STIL: variants seen among roughly 807,000 people sequenced by gnomAD.
STIL encodes SCL-interrupting locus protein.
Under a neutral mutation model 110.1 loss-of-function variants are expected in STIL, and 55 were observed. The ratio of observed to expected loss-of-function variants is 0.50; its 90% CI spans 0.40 to 0.63. The LOEUF (loss-of-function observed/expected upper bound fraction) is 0.63. Ranked by LOEUF, STIL falls within the 20% of genes least tolerant of loss-of-function variation. The probability of loss-of-function intolerance (pLI) is 0.00; values close to 1 mark genes in which losing one functional copy is unlikely to be tolerated. For synonymous variants in STIL, 481 were observed against 530.0 expected, an observed-to-expected ratio of 0.91 and a Z score of 1.27; for missense variants, 1,358 against 1,530.0, an observed-to-expected ratio of 0.89 and a Z score of 1.87.
At chr1:47,257,164 G>T (rs986060610) in intron 16 of STIL, among the ~76,000 whole-genome samples, 1 of 152,204 alleles carries the variant, frequency 6.6e-6, no homozygotes, top group Non-Finnish European at 1.5e-5. Context: ...ACTTGGTAGA[G>T]AATGGTAGGA....
At chr1:47,294,300 G>C (rs1056924945) in intron 7 of STIL, among the ~76,000 whole-genome samples, 2 of 152,120 alleles carry the variant, frequency 1.3e-5, no homozygotes, top group African/African-American at 4.8e-5. Flanking sequence ...TTATTTTTCT[G>C]TGTATGAATA....
intron 2 of STIL, among the ~76,000 whole-genome samples, chr1:47,307,868 C>T (rs140576426): frequency 0.033 from 5,024 of 152,300 alleles, 136 homozygotes; most frequent in Middle Eastern, 0.051. Flanking sequence ...ACTGGCCCCC[C>T]CGGGGCGTAC....
At chr1:47,299,748 C>A in intron 6 of STIL, 157 bp downstream of exon 6, 1 of 867,160 alleles carries the variant, frequency 1.2e-6, no homozygotes, top group Non-Finnish European at 1.7e-6. Context: ...TCATATTCAA[C>A]GAAAATAAAC....
rs114758920 is a variant in STIL, at chr1:47,286,407, C to T, written c.1133+1144G>A. 7.9e-3 allele frequency among the ~76,000 whole-genome samples: 1,201 copies of T among 151,934 alleles called. 9 individuals are homozygous for T. Among genetic ancestry groups the T allele is most frequent in the African/African-American group, 0.027 (1,127 of 41,424 alleles). On this transcript the variant is annotated intron_variant, in intron 10 of 16. Coordinates refer to ENST00000371877, the MANE Select transcript of STIL (RefSeq NM_001048166.1). ...AACACTGAAGACCTGCCAAATGATC[C>T]CTAAAAGTTCTGAGAAAGAGGCCGG... is the stretch of plus-strand genomic sequence containing the variant.
At position 47,269,738 on chromosome 1, in the gene STIL, G is replaced by A. The variant is rs777220967; in HGVS notation, c.2512C>T (p.Leu838Phe). The A allele has an allele frequency of 6.2e-7, 1 of 1,614,138 alleles. No individual in the cohort carries two copies. Among genetic ancestry groups the A allele is most frequent in the Non-Finnish European group, 8.5e-7 (1 of 1,180,018 alleles). ...SVDINNEVTS[L>F]PGSASSLKAV... The stretch of plus-strand genomic sequence containing the variant: ...TTTAATGAAGATGCACTACCTGGAA[G>A]ACTTGTGACTTCATTATTAATATCG... Residue 838 changes from leucine (L) to phenylalanine (F), a missense_variant, in exon 14 of 17, where the codon CTT becomes TTT. Coordinates refer to ENST00000371877, the MANE Select transcript of STIL (RefSeq NM_001048166.1).
chr1:47,301,151 T>C (rs963338053), intron 5 of STIL, among the ~76,000 whole-genome samples: 3 of 152,108 alleles, frequency 2.0e-5, no homozygotes, highest in African/African-American at 7.2e-5. Flanking sequence ...TGCAGTGGTG[T>C]GATCACGGCT....
intron 16 of STIL, 26 bp downstream of exon 16, chr1:47,260,263 C>A: frequency 6.3e-7 from 1 of 1,599,614 alleles, no homozygotes; most frequent in South Asian, 1.2e-5. Flanking sequence ...TTTATTCACT[C>A]TTTAAAACAA....
In STIL at chr1:47,260,353, G is replaced by C. The variant is rs756881909; in HGVS notation, c.3016C>G (p.Leu1006Val). 20 of 1,613,888 alleles carry C rather than the reference G, an allele frequency of 1.2e-5. No homozygotes were observed. The highest frequency in any genetic ancestry group is 1.7e-5 in the Admixed American group (1 of 59,976). ...GTGGGAGAATCAATTTTTACTCCAA[G>C]GCTTCTTAGTTGCTTAAGAGTTGCA... Reference protein sequence around the residue: ...LNATLKQLRSLGVKIDSPTKV... With the variant: ...LNATLKQLRSVGVKIDSPTKV... The change falls in exon 16 of 17, where the codon CTT becomes GTT. Residue 1006 changes from leucine (L) to valine (V), a missense_variant. Transcript: ENST00000371877.
rs1489230675 is a variant in STIL at position 47,258,992 on chromosome 1, C to T, written c.3080+1297G>A. 6.3e-4 allele frequency among the ~76,000 whole-genome samples: 59 copies of T among 94,400 alleles called. 1 individual carries two copies. Among genetic ancestry groups the T allele is most frequent in the African/African-American group, 1.1e-3 (25 of 21,774 alleles). 61.9% of individuals were successfully genotyped at this position (94,400 alleles called of 152,430 possible). ...GAAATGGTTAAGAGAAGTAACTTTG[C>T]TTTTTTTTTTTTTTGAGACAGTCTT... is the stretch of plus-strand genomic sequence containing the variant. On this transcript the variant is annotated intron_variant, in intron 16 of 16. Transcript: ENST00000371877.
chr1:47,267,524 G>A (rs1570076334), intron 14 of STIL, among the ~76,000 whole-genome samples: 1 of 152,036 alleles, frequency 6.6e-6, no homozygotes, highest in South Asian at 2.1e-4. Flanking sequence ...GGCTAACATG[G>A]CAAAACCCTG....
At chr1:47,266,541 T>C (rs551731221) in intron 14 of STIL, among the ~76,000 whole-genome samples, 1 of 152,300 alleles carries the variant, frequency 6.6e-6, no homozygotes, top group Admixed American at 6.5e-5. Context: ...TAAAATATTT[T>C]TTTATAGAGA....
At position 47,281,195 on chromosome 1, in the gene STIL, T is replaced by C. The variant is rs28705368; in HGVS notation, c.1263A>G (p.Gln421=). The C allele has an allele frequency of 3.3e-5, 54 of 1,612,890 alleles. No homozygotes were observed. The highest frequency in any genetic ancestry group is 3.1e-4 in the East Asian group (14 of 44,868). The change falls in exon 12 of 17, where the codon CAA becomes CAG. Residue 421 remains glutamine, a synonymous_variant. Transcript: ENST00000371877. ...CAAGTGAAAGTTCAGGAACTGATGG[T>C]TGGATCTTAGAAATCTACAAATAAG... ...HPVSQKISKI[Q]PSVPELSLVL... is the part of the protein sequence containing the mutation.
chr1:47,279,000 A>T (rs906943428), intron 12 of STIL, among the ~76,000 whole-genome samples: 5 of 152,168 alleles, frequency 3.3e-5, no homozygotes, highest in East Asian at 1.9e-4. Context: ...AAGATTTTTT[A>T]AAAAATCATA....
At position 47,271,141 on chromosome 1, in the gene STIL, T is replaced by C. The variant is rs190922620; in HGVS notation, c.2383+935A>G. 2.7e-3 allele frequency among the ~76,000 whole-genome samples: 414 copies of C among 152,284 alleles called. 3 individuals are homozygous for C. Among genetic ancestry groups the C allele is most frequent in the African/African-American group, 9.1e-3 (379 of 41,544 alleles). On this transcript the variant is annotated intron_variant, in intron 13 of 16. Coordinates refer to ENST00000371877, the MANE Select transcript of STIL (RefSeq NM_001048166.1). ...CTTATTGTATTTATACCTATGAGTA[T>C]TGGAAAAGATATATTTACAAAATAT...
intron 11 of STIL, among the ~76,000 whole-genome samples, chr1:47,281,467 A>G (rs887154679): frequency 1.3e-5 from 2 of 152,218 alleles, no homozygotes; most frequent in African/African-American, 4.8e-5. Context: ...TTAATAATGG[A>G]ACTCTTTTTA....
rs748241908 is a variant in STIL, at chr1:47,302,275, T to A, written c.224A>T (p.Asn75Ile). 1.3e-5 allele frequency: 21 copies of A among 1,606,524 alleles called. No individual in the cohort carries two copies. In the African/African-American group the frequency reaches 2.4e-4, roughly 18 times the overall value. ...AYRHAKQNKK[N>I]SSCFLLGSLT... ...AGAACCAAGTAAAAAGCATGACGAA[T>A]TTTTTTTATTCTGCTTAGCATGACG... Residue 75 changes from asparagine to isoleucine, a missense_variant, in exon 4 of 17, where the codon AAT becomes ATT. Coordinates refer to ENST00000371877, the MANE Select transcript of STIL (RefSeq NM_001048166.1).
At chr1:47,264,905 A>G (rs1272740630) in intron 14 of STIL, among the ~76,000 whole-genome samples, 2 of 146,836 alleles carry the variant, frequency 1.4e-5, no homozygotes, top group Non-Finnish European at 3.0e-5. Context: ...CATTCTATCA[A>G]TTAACTCAGA....
chr1:47,277,635 G>C (rs1645031013), intron 12 of STIL, among the ~76,000 whole-genome samples: 1 of 152,168 alleles, frequency 6.6e-6, no homozygotes, highest in African/African-American at 2.4e-5. Flanking sequence ...CTACAAAGCA[G>C]AGCCTGGGTT....
intron 2 of STIL, among the ~76,000 whole-genome samples, chr1:47,306,408 C>T (rs114116699): frequency 0.012 from 1,883 of 152,074 alleles, 25 homozygotes; most frequent in African/African-American, 0.039. Flanking sequence ...TGTGCACCAC[C>T]ACGTGAGATT....
Sources: allele counts gnomAD v4.1 joint callset (sites outside exome capture counted in the v4.1 genomes callset), GRCh38; gene constraint gnomAD v4.1.1; transcripts MANE v1.5; gene names NCBI Gene and HGNC (gene_info 2026-07-23, HGNC 2026-07-21).